The following TRPC4 variants were observed in gnomAD, a reference collection of about 807,000 sequenced individuals.
The protein encoded by TRPC4 is transient receptor potential cation channel subfamily C member 4, also known as short transient receptor potential channel 4.
TRPC4 carries 49 observed loss-of-function variants against 99.4 expected under a neutral mutation model. The observed-to-expected ratio is 0.49, with a 90% confidence interval of 0.39 to 0.63. TRPC4 has a LOEUF of 0.63. TRPC4 is among the 20% of genes least tolerant of loss of function. The pLI, the probability that TRPC4 is intolerant of heterozygous loss-of-function variation, is 0.00. For synonymous variants in TRPC4, 454 were observed against 425.9 expected, an observed-to-expected ratio of 1.07 and a Z score of -0.81; for missense variants, 898 against 1,152.9, an observed-to-expected ratio of 0.78 and a Z score of 3.20.
chr13:37,778,296 C>T (rs568438911), intron 2 of TRPC4, among the ~76,000 whole-genome samples: 1 of 151,998 alleles, frequency 6.6e-6, no homozygotes, highest in East Asian at 2.0e-4. Context: ...TTTCATTTCC[C>T]CATTTGTAAG....
intron 6 of TRPC4, among the ~76,000 whole-genome samples, chr13:37,658,841 G>A (rs978626962): frequency 3.3e-5 from 5 of 152,114 alleles, no homozygotes; most frequent in African/African-American, 1.2e-4. Context: ...GCATGAAGAT[G>A]CATAGAAGAC....
intron 1 of TRPC4, among the ~76,000 whole-genome samples, chr13:37,827,067 G>T (rs534034139): frequency 6.6e-6 from 1 of 151,810 alleles, no homozygotes; most frequent in Admixed American, 6.6e-5. Context: ...GATCGCATCG[G>T]CTCCTGAGGC....
chr13:37,758,568 A>G (rs1243081282), intron 2 of TRPC4, among the ~76,000 whole-genome samples: 1 of 151,834 alleles, frequency 6.6e-6, no homozygotes, highest in Non-Finnish European at 1.5e-5. Flanking sequence ...ATTAGAAAAT[A>G]AAATATTAAG....
chr13:37,674,522 C>T (rs1374166536), intron 4 of TRPC4, among the ~76,000 whole-genome samples, 155 bp from the exon 5 acceptor site: 1 of 152,052 alleles, frequency 6.6e-6, no homozygotes, highest in Non-Finnish European at 1.5e-5. Context: ...ACACTGAGTC[C>T]CAGCCATACT....
intron 1 of TRPC4, among the ~76,000 whole-genome samples, chr13:37,856,845 T>C (rs1041081306): frequency 7.3e-5 from 11 of 151,502 alleles, no homozygotes; most frequent in Admixed American, 7.3e-4. Flanking sequence ...AAATTCAACA[T>C]CCTTCATGAT....
At chr13:37,687,185 G>A (rs61955490) in intron 4 of TRPC4, among the ~76,000 whole-genome samples, 18,249 of 151,948 alleles carry the variant, frequency 0.12, 1,158 homozygotes, top group East Asian at 0.27. Context: ...GTATGGTCTC[G>A]AACCCCTGAC....
chr13:37,666,557 C>T (rs1332228942), intron 5 of TRPC4, among the ~76,000 whole-genome samples: 3 of 152,188 alleles, frequency 2.0e-5, no homozygotes, highest in Non-Finnish European at 4.4e-5. Context: ...CATCATTTAA[C>T]AAAGTGATTT....
chr13:37,643,041 T>C (rs1261178562), intron 8 of TRPC4, among the ~76,000 whole-genome samples: 1 of 152,096 alleles, frequency 6.6e-6, no homozygotes, highest in East Asian at 1.9e-4. Flanking sequence ...GAAATACGAT[T>C]CTTTTACCAT....
intron 1 of TRPC4, among the ~76,000 whole-genome samples, chr13:37,840,929 C>T (rs879007696): frequency 6.6e-6 from 1 of 151,956 alleles, no homozygotes; most frequent in Non-Finnish European, 1.5e-5. Context: ...AGTGTCATTC[C>T]TAATGGTATT....
chr13:37,781,943 TAACA>T (rs1199794862), intron 2 of TRPC4, among the ~76,000 whole-genome samples: 4 of 152,030 alleles, frequency 2.6e-5, no homozygotes, highest in Non-Finnish European at 5.9e-5. Context: ...TCACACCTCC[TAACA>T]GTCTAGCGTT....
chr13:37,709,072 A>G (rs1227832583), intron 3 of TRPC4, among the ~76,000 whole-genome samples: 1 of 152,048 alleles, frequency 6.6e-6, no homozygotes, highest in Non-Finnish European at 1.5e-5. Context: ...TAGAAGACAA[A>G]GTTTTCCACC....
rs1345367740 is a variant in TRPC4 at position 37,793,373 on chromosome 13, T to C, written c.-27-10013A>G. Among the ~76,000 whole-genome samples, 3 of 152,098 alleles carry C rather than the reference T, an allele frequency of 2.0e-5. No individual in the cohort carries two copies. The East Asian group carries it at 5.8e-4, about 29-fold the overall frequency. On this transcript the variant is annotated intron_variant, in intron 1 of 10. Coordinates refer to ENST00000379705, the MANE Select transcript of TRPC4 (RefSeq NM_016179.4). ...CATATATATACATGTGCCATGTTGG[T>C]GTGCTGCACCTATTAACTCGTCATT...
chr13:37,781,606 A>G (rs1005666150), intron 2 of TRPC4, among the ~76,000 whole-genome samples: 4 of 152,138 alleles, frequency 2.6e-5, no homozygotes, highest in Non-Finnish European at 4.4e-5. Context: ...GAAAGAATAC[A>G]AGAAACAAGC....
chr13:37,743,085 G>GA (rs1324020910), intron 3 of TRPC4, among the ~76,000 whole-genome samples: 2 of 151,846 alleles, frequency 1.3e-5, no homozygotes, highest in Non-Finnish European at 2.9e-5. Context: ...ATTTTGAAAG[G>GA]AAAAAAATCC....
chr13:37,648,510 A>C (rs1951917721), intron 8 of TRPC4, among the ~76,000 whole-genome samples: 2 of 152,114 alleles, frequency 1.3e-5, no homozygotes, highest in African/African-American at 4.8e-5. Context: ...AAAGCATCCA[A>C]ATAGCCATTG....
intron 6 of TRPC4, 80 bp downstream of exon 6, chr13:37,663,336 T>A: frequency 7.4e-7 from 1 of 1,357,418 alleles, no homozygotes; most frequent in East Asian, 2.3e-5. Context: ...CAACCATTTG[T>A]CATAGGTTTT....
chr13:37,693,416 G>A (rs533589187), intron 3 of TRPC4, among the ~76,000 whole-genome samples: 2 of 152,276 alleles, frequency 1.3e-5, no homozygotes, highest in African/African-American at 4.8e-5. Flanking sequence ...AGAAGTGTAA[G>A]TTCCTTGTAA....
At chr13:37,660,808 AT>A (rs562095511) in intron 6 of TRPC4, among the ~76,000 whole-genome samples, 1,532 of 152,288 alleles carry the variant, frequency 0.01, 18 homozygotes, top group African/African-American at 0.035. Context: ...AATGTACAGA[AT>A]TACAAAAAGA....
At chr13:37,698,254 G>A (rs769351843) in intron 3 of TRPC4, among the ~76,000 whole-genome samples, 8 of 137,766 alleles carry the variant, frequency 5.8e-5, no homozygotes, top group African/African-American at 1.4e-4. Flanking sequence ...TCTGCCTCCC[G>A]GGTTCTTGCC....
Sources: allele counts gnomAD v4.1 joint callset (sites outside exome capture counted in the v4.1 genomes callset), GRCh38; gene constraint gnomAD v4.1.1; transcripts MANE v1.5; gene names NCBI Gene and HGNC (gene_info 2026-07-23, HGNC 2026-07-21).